The following NAA60 variants were observed in gnomAD, a reference collection of about 807,000 sequenced individuals.
NAA60 encodes the protein N-alpha-acetyltransferase 60.
A neutral mutation model predicts 26.1 loss-of-function variants in NAA60; 8 were observed. The ratio of observed to expected loss-of-function variants is 0.31; its 90% CI spans 0.18 to 0.55. The LOEUF (loss-of-function observed/expected upper bound fraction) is 0.55, where lower values mean the gene tolerates loss of function less well. NAA60 is among the 20% of genes least tolerant of loss of function. The pLI, the probability that NAA60 is intolerant of heterozygous loss-of-function variation, is 0.93. For synonymous variants in NAA60, 131 were observed against 122.5 expected (o/e 1.07, Z -0.46); for missense variants, 290 against 311.3 (o/e 0.93, Z 0.51).
chr16:3,475,151 G>A (rs543121326), intron 2 of NAA60, among the ~76,000 whole-genome samples: 23 of 149,142 alleles, frequency 1.5e-4, no homozygotes, highest in African/African-American at 3.5e-4. Context: ...GTGCAGTGGC[G>A]CAGTCTTGGC....
Position 3,484,806 on chromosome 16 carries a change from G to T in NAA60, c.680G>T (p.Trp227Leu). The change falls in exon 7 of 8, where the codon TGG (tryptophan) becomes TTG (leucine). Residue 227 changes from tryptophan to leucine, a missense_variant. By Grantham distance (61) the Trp-to-Leu change is moderately conservative. Coordinates refer to ENST00000407558, the MANE Select transcript of NAA60 (RefSeq NM_001083601.3). The part of the protein sequence containing the change: ...AHSLLCSFLP[W>L]SGISSKSGIE... ...AGCCTGCTCTGCAGCTTCCTGCCAT[G>T]GTCGGGCATCTCTTCCAAGAGTGGC... The T allele has an allele frequency of 6.3e-7, 1 of 1,576,934 alleles. No homozygotes were observed.
At chr16:3,463,439 T>G (rs1298925103) in intron 2 of NAA60, among the ~76,000 whole-genome samples, 1 of 150,212 alleles carries the variant, frequency 6.7e-6, no homozygotes, top group African/African-American at 2.5e-5. Context: ...TACTGTCAGC[T>G]ACTTGCGGAG....
At chr16:3,469,477 C>T (rs1253083522) in intron 2 of NAA60, among the ~76,000 whole-genome samples, 1 of 148,506 alleles carries the variant, frequency 6.7e-6, no homozygotes, top group Non-Finnish European at 1.5e-5. Context: ...AGAGCACCTG[C>T]CTGGCGGGGC....
chr16:3,458,610 G>A (rs1322378640), intron 2 of NAA60, among the ~76,000 whole-genome samples: 2 of 152,230 alleles, frequency 1.3e-5, no homozygotes, highest in African/African-American at 4.8e-5. Flanking sequence ...GCTCTCGCCT[G>A]GCCTGGTCAG....
At position 3,484,978 on chromosome 16, in the gene NAA60, C is replaced by T. The variant is rs1207500439; in HGVS notation, c.*123C>T. On this transcript the variant is annotated 3_prime_UTR_variant, in exon 7 of 8. Transcript: ENST00000407558. Reference sequence around the variant, plus strand: ...CCAGCCATCTAACTGGGCTCGTCGGCCTGCCCCAGCTGCAGGCCCGGTGCT... The same window carrying T: ...CCAGCCATCTAACTGGGCTCGTCGGTCTGCCCCAGCTGCAGGCCCGGTGCT... 6.5e-6 allele frequency: 10 copies of T among 1,528,574 alleles called. No homozygotes were observed. Among genetic ancestry groups the T allele is most frequent in the Non-Finnish European group, 8.8e-6 (10 of 1,139,978 alleles). The allele number at this position is 1,528,574 out of a possible 1,614,324, so 94.7% of individuals were successfully genotyped here.
rs1363902005 is a variant in NAA60, at chr16:3,443,721, G to C, written c.-193G>C. Reference sequence around the variant, plus strand: ...GGTCTCCTCCGTGAGCTCCGGGCCTGTTTGCCTGCTGAAGTAGAGTCTTAG... The same window carrying C: ...GGTCTCCTCCGTGAGCTCCGGGCCTCTTTGCCTGCTGAAGTAGAGTCTTAG... On this transcript the variant is annotated 5_prime_UTR_variant, in exon 1 of 8. Coordinates refer to ENST00000407558, the MANE Select transcript of NAA60 (RefSeq NM_001083601.3). 3.4e-6 allele frequency: 5 copies of C among 1,477,246 alleles called. 1 individual carries two copies. In the South Asian group the frequency reaches 5.2e-5, roughly 15 times the overall value. The allele number at this position is 1,477,246 out of a possible 1,614,324, so 91.5% of individuals were successfully genotyped here.
chr16:3,449,717 A>C (rs1370968432), intron 2 of NAA60, among the ~76,000 whole-genome samples: 1 of 152,108 alleles, frequency 6.6e-6, no homozygotes, highest in Non-Finnish European at 1.5e-5. Flanking sequence ...CCCAAATCTC[A>C]TCTGCAATTC....
At chr16:3,480,175 T>C (rs536513616) in intron 4 of NAA60, among the ~76,000 whole-genome samples, 1 of 152,182 alleles carries the variant, frequency 6.6e-6, no homozygotes, top group Admixed American at 6.5e-5. Flanking sequence ...CAAGATTCTG[T>C]GTGATGATGT....
chr16:3,475,446 C>G (rs917649845), intron 2 of NAA60, among the ~76,000 whole-genome samples: 1 of 152,100 alleles, frequency 6.6e-6, no homozygotes, highest in Non-Finnish European at 1.5e-5. Context: ...CTTCTGTTTT[C>G]CCCTTCTCGG....
intron 2 of NAA60, among the ~76,000 whole-genome samples, chr16:3,458,976 T>A (rs1411691416): frequency 2.0e-5 from 3 of 152,192 alleles, no homozygotes; most frequent in Non-Finnish European, 4.4e-5. Context: ...GGTCTGGACA[T>A]CAGGCAAGGG....
chr16:3,452,690 C>T (rs1432986990), intron 2 of NAA60, among the ~76,000 whole-genome samples: 1 of 151,560 alleles, frequency 6.6e-6, no homozygotes, highest in Non-Finnish European at 1.5e-5. Context: ...AGCATGGTGG[C>T]TCACACCAGT....
In NAA60 at chr16:3,454,627, C is replaced by CA. The variant is rs771505752; in HGVS notation, c.-7+6094dup. ...AAGTGGAAGAAACACTCAAACACAG[C>CA]AAAAAAAGAGAGAGAGAAAGGAACC... On this transcript the variant is annotated intron_variant, in intron 2 of 7. Transcript: ENST00000407558. Among the ~76,000 whole-genome samples the CA allele has an allele frequency of 1.2e-3, 180 of 152,076 alleles. 1 individual carries two copies. The highest frequency in any genetic ancestry group is 1.9e-3 in the Non-Finnish European group (128 of 67,966).
intron 4 of NAA60, among the ~76,000 whole-genome samples, chr16:3,480,596 TAAA>T (rs199584965): frequency 0.076 from 9,834 of 129,952 alleles, 374 homozygotes; most frequent in Admixed American, 0.098. Flanking sequence ...AGACTTCGTC[TAAA>T]AAAAAAAAAA....
At chr16:3,473,322 C>G (rs528790783) in intron 2 of NAA60, among the ~76,000 whole-genome samples, 1 of 152,124 alleles carries the variant, frequency 6.6e-6, no homozygotes, top group African/African-American at 2.4e-5. Context: ...TTGTACATGG[C>G]TGGGGAGGCC....
intron 1 of NAA60, among the ~76,000 whole-genome samples, chr16:3,445,564 C>T (rs1021145838): frequency 1.3e-5 from 2 of 151,874 alleles, no homozygotes; most frequent in African/African-American, 4.8e-5. Context: ...CGTGAGCCAC[C>T]GCGCCCCGCC....
At chr16:3,461,391 G>A (rs1024504212) in intron 2 of NAA60, among the ~76,000 whole-genome samples, 42 of 152,120 alleles carry the variant, frequency 2.8e-4, no homozygotes, top group African/African-American at 9.7e-4. Flanking sequence ...ACCCCAAGGT[G>A]CCACAGCTCT....
chr16:3,483,784 C>T (rs958645011), intron 6 of NAA60, 187 bp downstream of exon 6: 4 of 594,456 alleles, frequency 6.7e-6, no homozygotes, highest in South Asian at 6.6e-5. Context: ...TCGAGTTGCA[C>T]ATATTACCAT....
chr16:3,485,597 G>A lies in NAA60; in HGVS notation c.*337G>A, dbSNP rs1214828794. The A allele has an allele frequency of 4.4e-6, 2 of 456,068 alleles. No homozygotes were observed. Among genetic ancestry groups the A allele is most frequent in the Non-Finnish European group, 8.8e-6 (2 of 226,734 alleles). The allele number at this position is 456,068 out of a possible 1,614,324, so 28.3% of individuals were successfully genotyped here. On this transcript the variant is annotated 3_prime_UTR_variant, in exon 8 of 8. Transcript: ENST00000407558. ...ACTGGGAGGGGCCTGCCCTCACTGG[G>A]CCTCTCCCACTCCGCTGCCTGTTCT...
At chr16:3,476,911 C>T (rs2036519771) in intron 3 of NAA60, among the ~76,000 whole-genome samples, 1 of 152,126 alleles carries the variant, frequency 6.6e-6, no homozygotes, top group Non-Finnish European at 1.5e-5. Context: ...TGTGGTGGTG[C>T]GTGCCTGTAA....
Sources: gnomAD v4.1 joint callset for allele counts (sites outside exome capture counted in the v4.1 genomes callset) on GRCh38, gnomAD v4.1.1 for gene constraint, MANE v1.5 for transcripts, NCBI Gene and HGNC (gene_info 2026-07-23, HGNC 2026-07-21) for gene names.